The following MTMR8 variants were observed in gnomAD, a reference collection of about 807,000 sequenced individuals.
The protein encoded by MTMR8 is phosphatidylinositol-3,5-bisphosphate 3-phosphatase MTMR8.
Under a neutral mutation model 39.3 loss-of-function variants are expected in MTMR8, and 65 were observed. That is an observed-to-expected ratio of 1.65 (90% CI 1.35 to 2.03). The LOEUF is 2.03. Ranked by LOEUF, MTMR8 falls within the 30% of genes most tolerant of loss-of-function variation. The probability of loss-of-function intolerance (pLI) is 0.00; values close to 1 mark genes in which losing one functional copy is unlikely to be tolerated. For synonymous variants in MTMR8, 245 were observed against 185.2 expected, an observed-to-expected ratio of 1.32 and a Z score of -2.62; for missense variants, 777 against 538.9, an observed-to-expected ratio of 1.44 and a Z score of -4.37.
intron 12 of MTMR8, among the ~76,000 whole-genome samples, chrX:64,296,831 T>C (rs1340916225): frequency 1.0e-5 from 1 of 98,287 alleles, no homozygotes; most frequent in Non-Finnish European, 2.0e-5. Context: ...ATATGCGGTG[T>C]TTGGTTTTTT....
At chrX:64,305,258 C>T (rs1922065877) in intron 12 of MTMR8, 1 of 172,515 alleles carries the variant, frequency 5.8e-6, no homozygotes, top group Non-Finnish European at 1.1e-5. Flanking sequence ...ATAAGATTGG[C>T]TATGGATTCT....
intron 1 of MTMR8, among the ~76,000 whole-genome samples, chrX:64,391,870 C>A (rs1362333374): frequency 8.9e-6 from 1 of 112,071 alleles, no homozygotes; most frequent in African/African-American, 3.2e-5. Flanking sequence ...AGCCTGGCTC[C>A]AAAGTATGCA....
Position 64,378,947 on chromosome X carries a change from G to T in MTMR8, c.24+16393C>A, listed in dbSNP as rs1274979534. 2.7e-5 allele frequency among the ~76,000 whole-genome samples: 3 copies of T among 111,383 alleles called. No homozygotes were observed. The Admixed American group carries it at 2.9e-4, about 11-fold the overall frequency. On this transcript the variant is annotated intron_variant, in intron 1 of 13. Coordinates refer to ENST00000374852, the MANE Select transcript of MTMR8 (RefSeq NM_017677.4). ...AAATAACACCAGAAATGAAAGAGGG[G>T]CCATCACTACTGATCCCATGTACAT...
In MTMR8 at chrX:64,273,434, AAAAG is replaced by A. The variant is rs1255068420; in HGVS notation, c.1482-2365_1482-2362del. On this transcript the variant is annotated intron_variant, in intron 12 of 13. Coordinates refer to ENST00000374852, the MANE Select transcript of MTMR8 (RefSeq NM_017677.4). Reference sequence around the variant, plus strand: ...GGAAATACCTACAGAAGTTAAAAAAAAAAGAAAGAAGTGAAAGAAATCAAAGCAT... The same window carrying A: ...GGAAATACCTACAGAAGTTAAAAAAAAAAGAAGTGAAAGAAATCAAAGCAT... 7.5e-4 allele frequency among the ~76,000 whole-genome samples: 83 copies of A among 110,640 alleles called. 1 individual carries two copies. The highest frequency in any genetic ancestry group is 2.5e-3 in the African/African-American group (76 of 30,454).
chrX:64,319,741 C>G lies in MTMR8; in HGVS notation c.1481+9031G>C, dbSNP rs766926648. On this transcript the variant is annotated intron_variant, in intron 12 of 13. Coordinates refer to ENST00000374852, the MANE Select transcript of MTMR8 (RefSeq NM_017677.4). ...ATATGTGGCATTATTTCTGAGGGCT[C>G]TGTTCTGTTCCATTGGTCTATATCT... Among the ~76,000 whole-genome samples the G allele has an allele frequency of 2.7e-3, 301 of 110,909 alleles. 1 individual carries two copies. Among genetic ancestry groups the G allele is most frequent in the Non-Finnish European group, 5.0e-3 (263 of 52,981 alleles).
chrX:64,336,326 T>C (rs1923072263), intron 9 of MTMR8, among the ~76,000 whole-genome samples, 198 bp from the exon 10 acceptor site: 1 of 111,255 alleles, frequency 9.0e-6, no homozygotes, highest in Non-Finnish European at 1.9e-5. Flanking sequence ...TCAGATGCTC[T>C]CAGACATATC....
chrX:64,286,311 G>T (rs1232940290), intron 12 of MTMR8, among the ~76,000 whole-genome samples: 1 of 111,787 alleles, frequency 8.9e-6, no homozygotes, highest in Non-Finnish European at 1.9e-5. Flanking sequence ...TGAAATTGAG[G>T]CAATAATTAA....
Position 64,268,764 on chromosome X carries a change from T to G in MTMR8, c.1888A>C (p.Ile630Leu), listed in dbSNP as rs758208657. ...RAINISGDVGISEAMGISGDM... is the reference protein window; with the variant it reads ...RAINISGDVGLSEAMGISGDM... ...CCAGAGATGCCCATGGCCTCAGAGATGCCCACATCCCCAGAGATATTTATG... is the reference window on the plus strand; with the variant it reads ...CCAGAGATGCCCATGGCCTCAGAGAGGCCCACATCCCCAGAGATATTTATG... Residue 630 changes from isoleucine (I) to leucine (L), a missense_variant, in exon 14 of 14, where the codon ATC becomes CTC. Transcript: ENST00000374852. 49 of 1,209,893 alleles carry G rather than the reference T, an allele frequency of 4.0e-5. No homozygotes were observed. The South Asian group carries it at 7.2e-4, about 18-fold the overall frequency.
rs1243880189 is a variant in MTMR8, at chrX:64,328,773, G to A, written c.1480C>T (p.Gln494Ter). 1 of 1,152,043 alleles carries A rather than the reference G, an allele frequency of 8.7e-7. No homozygotes were observed. Among genetic ancestry groups the A allele is most frequent in the African/African-American group, 1.8e-5 (1 of 54,479 alleles). 94.9% of individuals were successfully genotyped at this position (1,152,043 alleles called of 1,213,427 possible). ...LNPSTVPYNI[Q>*]FWCGMYNRFD... Reference sequence around the variant, plus strand: ...GGAGGGAAAAACTTAAGAACTTACTGAATGTTGTAGGGCACAGTACTAGGA... The same window carrying A: ...GGAGGGAAAAACTTAAGAACTTACTAAATGTTGTAGGGCACAGTACTAGGA... The change falls in exon 12 of 14, where the codon CAG becomes TAG. Residue 494 changes from glutamine to a stop codon, truncating the protein, a stop_gained and splice_region_variant. Transcript: ENST00000374852. LOFTEE classifies it high-confidence loss of function.
rs1213712299 is a variant in MTMR8 at position 64,395,329 on chromosome X, C to T, written c.24+11G>A. On this transcript the variant is annotated intron_variant, in intron 1 of 13. Coordinates refer to ENST00000374852, the MANE Select transcript of MTMR8 (RefSeq NM_017677.4). ...TCGCGGCTGTCAGCCTCGCTTAACTCTTCTCCTTACCTTGGGTACCGTAAT... is the reference window on the plus strand; with the variant it reads ...TCGCGGCTGTCAGCCTCGCTTAACTTTTCTCCTTACCTTGGGTACCGTAAT... 13 of 1,208,882 alleles carry T rather than the reference C, an allele frequency of 1.1e-5. No individual in the cohort carries two copies. The highest frequency in any genetic ancestry group is 1.5e-5 in the Non-Finnish European group (13 of 894,585).
At chrX:64,377,345 G>T (rs1354445551) in intron 1 of MTMR8, among the ~76,000 whole-genome samples, 2 of 112,050 alleles carry the variant, frequency 1.8e-5, no homozygotes, top group Non-Finnish European at 3.8e-5. Flanking sequence ...CCCACAGCAA[G>T]CACTCTACAC....
intron 12 of MTMR8, among the ~76,000 whole-genome samples, chrX:64,291,323 A>G (rs1921389089): frequency 9.0e-6 from 1 of 111,086 alleles, no homozygotes; most frequent in Middle Eastern, 4.6e-3. Flanking sequence ...TTAACTCCAG[A>G]GTAATAAAGA....
intron 10 of MTMR8, among the ~76,000 whole-genome samples, chrX:64,334,587 A>C (rs1163764084): frequency 1.9e-5 from 2 of 105,198 alleles, no homozygotes; most frequent in East Asian, 2.9e-4. Context: ...AAAAAAAAAA[A>C]AAAAAAAACA....
intron 12 of MTMR8, among the ~76,000 whole-genome samples, chrX:64,308,174 G>A (rs1288327219): frequency 1.8e-5 from 2 of 109,673 alleles, no homozygotes; most frequent in Non-Finnish European, 3.8e-5. Context: ...AATAAAAAGA[G>A]AATTAGCTAA....
chrX:64,365,149 G>C (rs1167922329), intron 1 of MTMR8, among the ~76,000 whole-genome samples: 1 of 111,760 alleles, frequency 8.9e-6, no homozygotes, highest in Non-Finnish European at 1.9e-5. Context: ...GTGCCTGAAA[G>C]TGACGGGGAG....
intron 10 of MTMR8, among the ~76,000 whole-genome samples, chrX:64,332,366 C>T (rs989249949): frequency 2.7e-5 from 3 of 111,771 alleles, no homozygotes; most frequent in African/African-American, 9.7e-5. Flanking sequence ...ACGGCACTCT[C>T]AGTTTCTACA....
chrX:64,298,416 G>T (rs1336173866), intron 12 of MTMR8, among the ~76,000 whole-genome samples: 1 of 86,643 alleles, frequency 1.2e-5, no homozygotes, highest in Non-Finnish European at 2.1e-5. Context: ...TGTGATTTTT[G>T]TACATTGATT....
chrX:64,295,841 TC>T (rs1921560005), intron 12 of MTMR8, among the ~76,000 whole-genome samples: 1 of 110,699 alleles, frequency 9.0e-6, no homozygotes, highest in South Asian at 3.8e-4. Context: ...AAAAATAGAG[TC>T]CTTGTGCATT....
At chrX:64,352,918 C>T (rs1001898059) in intron 4 of MTMR8, among the ~76,000 whole-genome samples, 2 of 111,528 alleles carry the variant, frequency 1.8e-5, no homozygotes, top group Non-Finnish European at 3.8e-5. Context: ...AGCGTAAATA[C>T]TCTTGTGGCT....
Sources: gnomAD v4.1 joint callset for allele counts (sites outside exome capture counted in the v4.1 genomes callset) on GRCh38, gnomAD v4.1.1 for gene constraint, MANE v1.5 for transcripts, NCBI Gene and HGNC (gene_info 2026-07-23, HGNC 2026-07-21) for gene names.